INTS7: variants seen among roughly 807,000 people sequenced by gnomAD.
The protein encoded by INTS7 is chromosome 1 open reading frame 73.
A neutral mutation model predicts 109.2 loss-of-function variants in INTS7; 46 were observed. That is an observed-to-expected ratio of 0.42 (90% CI 0.33 to 0.54). INTS7 has a LOEUF of 0.54. Ranked by LOEUF, INTS7 falls within the 20% of genes least tolerant of loss-of-function variation. The probability of loss-of-function intolerance (pLI) is 0.07; values close to 1 mark genes in which losing one functional copy is unlikely to be tolerated. For synonymous variants in INTS7, 412 were observed against 402.9 expected (o/e 1.02, Z -0.27); for missense variants, 929 against 1,132.4 (o/e 0.82, Z 2.58).
chr1:211,999,939 T>C (rs1279278443), intron 7 of INTS7, among the ~76,000 whole-genome samples: 1 of 151,966 alleles, frequency 6.6e-6, no homozygotes. Context: ...ACCCTGTCTC[T>C]ACTAAAAATA....
At chr1:211,989,853 G>A (rs945387928) in intron 7 of INTS7, among the ~76,000 whole-genome samples, 11 of 151,506 alleles carry the variant, frequency 7.3e-5, no homozygotes, top group African/African-American at 2.4e-4. Context: ...TTACTAATAG[G>A]CAAAAACTCA....
At chr1:212,010,403 C>T (rs2102473015) in intron 5 of INTS7, among the ~76,000 whole-genome samples, 1 of 152,170 alleles carries the variant, frequency 6.6e-6, no homozygotes, top group African/African-American at 2.4e-5. Flanking sequence ...ACTGGAAAAC[C>T]AGGGCTTTGT....
At chr1:211,971,403 A>G (rs1327216953) in intron 13 of INTS7, among the ~76,000 whole-genome samples, 1 of 152,236 alleles carries the variant, frequency 6.6e-6, no homozygotes, top group Non-Finnish European at 1.5e-5. Context: ...TATCAACACT[A>G]TAGAGTGGGA....
At chr1:212,000,698 C>T (rs1168223735) in intron 7 of INTS7, among the ~76,000 whole-genome samples, 1 of 152,072 alleles carries the variant, frequency 6.6e-6, no homozygotes, top group Non-Finnish European at 1.5e-5. Context: ...TTTCTCTTTG[C>T]CTCCTCCATT....
At position 211,968,712 on chromosome 1, in the gene INTS7, GAAA is replaced by G. The variant is rs11322485; in HGVS notation, c.1816-8_1816-6del. 7.1e-4 allele frequency: 974 copies of G among 1,377,410 alleles called. No individual in the cohort carries two copies. The highest frequency in any genetic ancestry group is 1.7e-3 in the South Asian group (125 of 73,870). The allele number at this position is 1,377,410 out of a possible 1,614,324, so 85.3% of individuals were successfully genotyped here. A position where few individuals can be genotyped will look rare whatever the true frequency, so the allele number is the denominator to read the frequency against. On this transcript the variant is annotated splice_polypyrimidine_tract_variant and splice_region_variant and intron_variant, in intron 13 of 19. Transcript: ENST00000366994. ...ATTCAGTGGTGTACTAGCTGCCTGGGAAAAAAAAAAAAAAGAGATATTTAAGAC... is the reference window on the plus strand; with the variant it reads ...ATTCAGTGGTGTACTAGCTGCCTGGGAAAAAAAAAAAGAGATATTTAAGAC...
In INTS7 at chr1:211,942,107, G is replaced by A. The variant is rs1272068354; in HGVS notation, c.2606C>T (p.Pro869Leu). The A allele has an allele frequency of 6.2e-7, 1 of 1,612,630 alleles. No homozygotes were observed. Among genetic ancestry groups the A allele is most frequent in the African/African-American group, 1.3e-5 (1 of 74,970 alleles). ...CATCTCATTGGTCATGTTGTCAATG[G>A]GTATCTGCAATGAAACAATTGTTAA... is the stretch of plus-strand genomic sequence containing the variant. ...QSKSGQDYKIPIDNMTNEMEQ... is the reference protein window; with the variant it reads ...QSKSGQDYKILIDNMTNEMEQ... Residue 869 changes from proline (P) to leucine (L), a missense_variant, in exon 20 of 20, where the codon CCC becomes CTC. This residue lies in a region of INTS7 where 787 missense variants were observed against 901.1 expected (regional missense o/e 0.87). Coordinates refer to ENST00000366994, the MANE Select transcript of INTS7 (RefSeq NM_015434.4). The surrounding 1 kb of genome is among the most constrained non-coding windows in gnomAD (Gnocchi z 4.2).
At chr1:211,998,613 T>C (rs531732584) in intron 7 of INTS7, among the ~76,000 whole-genome samples, 95 of 151,230 alleles carry the variant, frequency 6.3e-4, no homozygotes, top group Non-Finnish European at 8.9e-5. Flanking sequence ...GAGAAAACTT[T>C]TGTGATTTTG....
intron 4 of INTS7, 108 bp downstream of exon 4, chr1:212,016,778 T>C (rs1479782573): frequency 1.2e-6 from 1 of 845,794 alleles, no homozygotes; most frequent in Non-Finnish European, 1.9e-6. Flanking sequence ...CCTTGTAATT[T>C]ACACTTTCCT....
intron 16 of INTS7, chr1:211,966,141 T>C (rs1265100831): frequency 2.6e-5 from 5 of 191,278 alleles, no homozygotes; most frequent in Non-Finnish European, 5.3e-5. Context: ...AGTTTAATTG[T>C]ATCATTAACT....
intron 7 of INTS7, among the ~76,000 whole-genome samples, chr1:211,990,186 C>T (rs1665083330): frequency 6.6e-6 from 1 of 151,592 alleles, no homozygotes; most frequent in African/African-American, 2.4e-5. Flanking sequence ...ACAAACTATT[C>T]AATGTAGAAA....
At chr1:212,021,944 T>C (rs1308628678) in intron 1 of INTS7, among the ~76,000 whole-genome samples, 2 of 152,164 alleles carry the variant, frequency 1.3e-5, no homozygotes, top group Non-Finnish European at 2.9e-5. Flanking sequence ...AAGCACAATC[T>C]ATGGGATGCA....
chr1:211,981,039 T>C, intron 10 of INTS7, 54 bp downstream of exon 10: 2 of 1,079,206 alleles, frequency 1.9e-6, no homozygotes, highest in Middle Eastern at 2.1e-4. Flanking sequence ...TTGCTTTCTA[T>C]TGCCTAAGAC....
chr1:211,961,807 T>C (rs1663647253), intron 16 of INTS7, among the ~76,000 whole-genome samples: 1 of 152,002 alleles, frequency 6.6e-6, no homozygotes, highest in African/African-American at 2.4e-5. Flanking sequence ...GACAGAAAAA[T>C]ACTATCTTTT....
intron 1 of INTS7, among the ~76,000 whole-genome samples, chr1:212,035,105 G>A (rs1031793824): frequency 4.3e-4 from 66 of 152,184 alleles, no homozygotes; most frequent in African/African-American, 1.5e-3. Flanking sequence ...TGGTCAAAAC[G>A]GGCCTCTCAC....
At chr1:211,945,443 A>G (rs1316194042) in intron 18 of INTS7, among the ~76,000 whole-genome samples, 2 of 152,236 alleles carry the variant, frequency 1.3e-5, no homozygotes, top group Non-Finnish European at 2.9e-5. Flanking sequence ...AATGAATCAA[A>G]TGACATTTTT....
At chr1:211,966,924 TA>T (rs1235918448) in intron 15 of INTS7, among the ~76,000 whole-genome samples, 1 of 152,152 alleles carries the variant, frequency 6.6e-6, no homozygotes, top group African/African-American at 2.4e-5. Context: ...CAGAGGTTCC[TA>T]ATCTAGTGCT....
intron 7 of INTS7, among the ~76,000 whole-genome samples, chr1:211,998,137 A>AT (rs1040121368): frequency 2.6e-5 from 4 of 151,952 alleles, no homozygotes; most frequent in South Asian, 2.1e-4. Context: ...TTTTAAAATT[A>AT]TTTTTTTTGT....
intron 16 of INTS7, among the ~76,000 whole-genome samples, chr1:211,965,905 T>C (rs1663855972): frequency 6.6e-6 from 1 of 152,178 alleles, no homozygotes; most frequent in East Asian, 1.9e-4. Context: ...CGAGTTTACC[T>C]ATATAACAAA....
chr1:212,014,491 C>G (rs1433528396), intron 4 of INTS7, among the ~76,000 whole-genome samples: 4 of 130,256 alleles, frequency 3.1e-5, no homozygotes, highest in Non-Finnish European at 6.5e-5. Flanking sequence ...AAAAAAAAAG[C>G]TGAAGAGGAG....
Sources: allele counts gnomAD v4.1 joint callset (sites outside exome capture counted in the v4.1 genomes callset), GRCh38; gene constraint gnomAD v4.1.1; regional missense constraint gnomAD v4.1.1; non-coding constraint Gnocchi (gnomAD v3.1); transcripts MANE v1.5; gene names NCBI Gene and HGNC (gene_info 2026-07-23, HGNC 2026-07-21).